The following TLL2 variants were observed in gnomAD, a reference collection of about 807,000 sequenced individuals.
TLL2 encodes the protein tolloid like 2.
In TLL2, 106 loss-of-function variants were observed where a neutral mutation model predicts 123.0. The observed-to-expected ratio is 0.86, with a 90% confidence interval of 0.74 to 1.01. The LOEUF is 1.01. Ranked by LOEUF, TLL2 falls within the 50% of genes least tolerant of loss-of-function variation. The pLI is 0.00. For synonymous variants in TLL2, 494 were observed against 516.8 expected, an observed-to-expected ratio of 0.96 and a Z score of 0.60; for missense variants, 1,332 against 1,336.7, an observed-to-expected ratio of 1.00 and a Z score of 0.06.
chr10:96,433,713 C>G (rs374483898), intron 3 of TLL2, among the ~76,000 whole-genome samples: 49 of 152,288 alleles, frequency 3.2e-4, no homozygotes, highest in African/African-American at 1.2e-3. Context: ...AGCATTTTCA[C>G]TCTAGTTTTT....
chr10:96,501,956 T>C (rs1369634385), intron 1 of TLL2, among the ~76,000 whole-genome samples: 1 of 152,184 alleles, frequency 6.6e-6, no homozygotes, highest in Non-Finnish European at 1.5e-5. Flanking sequence ...GAGACAGTCA[T>C]TGAACAATAA....
At chr10:96,503,913 TG>T (rs918962558) in intron 1 of TLL2, among the ~76,000 whole-genome samples, 2 of 152,142 alleles carry the variant, frequency 1.3e-5, no homozygotes, top group Admixed American at 1.3e-4. Flanking sequence ...GCTCGTTCAC[TG>T]GGGGTGGAGG....
At chr10:96,383,169 A>G (rs994865820) in intron 16 of TLL2, among the ~76,000 whole-genome samples, 12 of 152,226 alleles carry the variant, frequency 7.9e-5, no homozygotes, top group Admixed American at 6.5e-4. Context: ...CCAGCACCAC[A>G]TGCCACGCTA....
At chr10:96,400,562 T>A (rs1332947752) in intron 10 of TLL2, among the ~76,000 whole-genome samples, 2 of 152,152 alleles carry the variant, frequency 1.3e-5, no homozygotes, top group Non-Finnish European at 2.9e-5. Context: ...CAGTCTTGGC[T>A]GTTTGACTCA....
chr10:96,428,322 A>C (rs1031638415), intron 5 of TLL2, among the ~76,000 whole-genome samples: 1 of 152,218 alleles, frequency 6.6e-6, no homozygotes, highest in Non-Finnish European at 1.5e-5. Context: ...ATCAGATTCT[A>C]AATGGGGACA....
At chr10:96,405,611 G>A (rs1280883030) in intron 9 of TLL2, among the ~76,000 whole-genome samples, 3 of 152,172 alleles carry the variant, frequency 2.0e-5, no homozygotes, top group Admixed American at 6.5e-5. Context: ...TACAGAAAGC[G>A]AGATGCATTA....
chr10:96,435,096 A>G (rs973077150), intron 3 of TLL2, among the ~76,000 whole-genome samples: 2 of 145,400 alleles, frequency 1.4e-5, no homozygotes, highest in African/African-American at 5.2e-5. Context: ...CAGTGGCACG[A>G]TCTCGGCTCA....
At chr10:96,385,842 G>A (rs1460814206) in intron 15 of TLL2, among the ~76,000 whole-genome samples, 4 of 152,096 alleles carry the variant, frequency 2.6e-5, no homozygotes, top group Non-Finnish European at 4.4e-5. Context: ...ATGTATCAGC[G>A]ACAAGAGGGC....
intron 8 of TLL2, among the ~76,000 whole-genome samples, chr10:96,412,334 G>A (rs746948646): frequency 5.1e-4 from 77 of 152,250 alleles, no homozygotes; most frequent in Non-Finnish European, 8.2e-4. Context: ...CTCTGTGTCT[G>A]GTTTGGAAGT....
chr10:96,369,953 T>TAGG, intron 20 of TLL2, 112 bp downstream of exon 20: 1 of 1,419,766 alleles, frequency 7.0e-7, no homozygotes, highest in Non-Finnish European at 9.3e-7. Context: ...CTCCTCGCCG[T>TAGG]TGCTCCTAAG....
At chr10:96,476,691 G>A (rs1847256374) in intron 2 of TLL2, among the ~76,000 whole-genome samples, 1 of 151,972 alleles carries the variant, frequency 6.6e-6, no homozygotes, top group African/African-American at 2.4e-5. Context: ...ATCTATAATG[G>A]CTTAGTTAGG....
intron 2 of TLL2, among the ~76,000 whole-genome samples, chr10:96,460,911 C>A (rs1847075421): frequency 6.6e-6 from 1 of 152,226 alleles, no homozygotes; most frequent in Middle Eastern, 3.4e-3. Flanking sequence ...CAGGCGCTAC[C>A]CAGAAACTGA....
At chr10:96,396,256 C>T (rs967154600) in intron 11 of TLL2, among the ~76,000 whole-genome samples, 10 of 152,224 alleles carry the variant, frequency 6.6e-5, no homozygotes, top group African/African-American at 2.2e-4. Flanking sequence ...GGTTCTCTAA[C>T]TTCGCTGTGC....
chr10:96,396,190 C>A (rs1163218333), intron 11 of TLL2, among the ~76,000 whole-genome samples, 170 bp from the exon 12 acceptor site: 1 of 152,080 alleles, frequency 6.6e-6, no homozygotes, highest in Admixed American at 6.6e-5. Context: ...GGCACGATTG[C>A]ATTTGTCTTT....
Position 96,373,524 on chromosome 10 carries a change from C to T in TLL2, c.2662+72G>A, listed in dbSNP as rs1485787652. On this transcript the variant is annotated intron_variant, in intron 19 of 20. Coordinates refer to ENST00000357947, the MANE Select transcript of TLL2 (RefSeq NM_012465.4). Reference sequence around the variant, plus strand: ...AGTCAGAATAAAAGGCAGTCCTTGTCGTGCCTTCACCATTTCTCTGTCTCC... The same window carrying T: ...AGTCAGAATAAAAGGCAGTCCTTGTTGTGCCTTCACCATTTCTCTGTCTCC... The T allele has an allele frequency of 3.5e-6, 5 of 1,426,020 alleles. No individual in the cohort carries two copies. In the African/African-American group the frequency reaches 5.6e-5, roughly 16 times the overall value. The allele number at this position is 1,426,020 out of a possible 1,614,324, so 88.3% of individuals were successfully genotyped here. A position where few individuals can be genotyped will look rare whatever the true frequency, so the allele number is the denominator to read the frequency against.
At chr10:96,411,802 G>T in intron 8 of TLL2, among the ~76,000 whole-genome samples, 1 of 152,182 alleles carries the variant, frequency 6.6e-6, no homozygotes. Flanking sequence ...ATTTTTTGGA[G>T]CTGCAGGAAG....
At chr10:96,481,303 C>T (rs116519505) in intron 1 of TLL2, among the ~76,000 whole-genome samples, 1,531 of 152,164 alleles carry the variant, frequency 0.01, 26 homozygotes, top group African/African-American at 0.035. Flanking sequence ...TGTGACACCA[C>T]GCCTGGCTAA....
At position 96,413,250 on chromosome 10, in the gene TLL2, C is replaced by T. The variant is rs1695076541; in HGVS notation, c.990G>A (p.Gln330=). ...TGTCTCCCTGACTGAGCCGCACGCGCTGGCCAATGGTTGGCCTGACGCCAT... is the reference window on the plus strand; with the variant it reads ...TGTCTCCCTGACTGAGCCGCACGCGTTGGCCAATGGTTGGCCTGACGCCAT... ...DDNGVRPTIG[Q]RVRLSQGDIA... The change falls in exon 8 of 21, where the codon CAG becomes CAA. Residue 330 remains glutamine (Q), a synonymous_variant. Coordinates refer to ENST00000357947, the MANE Select transcript of TLL2 (RefSeq NM_012465.4). The T allele has an allele frequency of 6.2e-7, 1 of 1,614,216 alleles. No individual in the cohort carries two copies. The highest frequency in any genetic ancestry group is 8.5e-7 in the Non-Finnish European group (1 of 1,180,024).
intron 2 of TLL2, among the ~76,000 whole-genome samples, chr10:96,473,150 C>T (rs1847201805): frequency 6.6e-6 from 1 of 152,100 alleles, no homozygotes; most frequent in East Asian, 1.9e-4. Flanking sequence ...ACCAAAGGGT[C>T]TGTGGGTAAA....
Sources: gnomAD v4.1 joint callset for allele counts (sites outside exome capture counted in the v4.1 genomes callset) on GRCh38, gnomAD v4.1.1 for gene constraint, MANE v1.5 for transcripts, NCBI Gene and HGNC (gene_info 2026-07-23, HGNC 2026-07-21) for gene names.